The following DCC variants were observed in gnomAD, a reference collection of about 807,000 sequenced individuals.
The protein encoded by DCC is netrin receptor DCC.
DCC carries 58 observed loss-of-function variants against 172.5 expected under a neutral mutation model. That is an observed-to-expected ratio of 0.34 (90% CI 0.27 to 0.42). DCC has a LOEUF of 0.42. DCC is among the 10% of genes least tolerant of loss of function. The pLI is 1.00. For missense variants in DCC, 1,740 were observed against 1,791.0 expected (o/e 0.97, Z 0.51); for synonymous variants, 709 against 644.5 (o/e 1.10, Z -1.52).
intron 1 of DCC, among the ~76,000 whole-genome samples, chr18:52,712,661 T>C (rs1373476042): frequency 2.0e-5 from 3 of 152,194 alleles, no homozygotes; most frequent in Admixed American, 6.5e-5. Flanking sequence ...TCAAGTCACA[T>C]TGAGAAGCTT....
intron 8 of DCC, among the ~76,000 whole-genome samples, chr18:53,175,363 G>A (rs4362452): frequency 0.067 from 10,242 of 151,856 alleles, 529 homozygotes; most frequent in African/African-American, 0.15. Flanking sequence ...AAGGTATTCA[G>A]TTAGGAAAAG....
chr18:53,022,612 T>G (rs1286904697), intron 5 of DCC, among the ~76,000 whole-genome samples: 2 of 151,734 alleles, frequency 1.3e-5, no homozygotes, highest in African/African-American at 2.4e-5. Flanking sequence ...AACTCTAAAT[T>G]TATTTAAAAA....
At chr18:52,484,245 C>T (rs2030096720) in intron 1 of DCC, among the ~76,000 whole-genome samples, 4 of 152,076 alleles carry the variant, frequency 2.6e-5, no homozygotes, top group Admixed American at 2.6e-4. Context: ...ACTCAGTCTG[C>T]CCATTCTTAG....
intron 1 of DCC, among the ~76,000 whole-genome samples, chr18:52,429,293 A>T (rs73955627): frequency 1.3e-5 from 2 of 152,116 alleles, no homozygotes; most frequent in Middle Eastern, 3.2e-3. Flanking sequence ...TATAAATTGC[A>T]TCGAAGTACA....
chr18:53,188,859 G>C (rs2055325584), intron 9 of DCC, among the ~76,000 whole-genome samples: 1 of 152,040 alleles, frequency 6.6e-6, no homozygotes, highest in Admixed American at 6.6e-5. Context: ...GTCTCTGCCT[G>C]CATCTCCACA....
rs188680165 is a variant in DCC, at chr18:52,881,928, A to G, written c.413-24116A>G. On this transcript the variant is annotated intron_variant, in intron 2 of 28. Coordinates refer to ENST00000442544, the MANE Select transcript of DCC (RefSeq NM_005215.4). Reference sequence around the variant, plus strand: ...TTAAAAATACTGATTCTTCCAATCCATGAACATGAAATATCTTTCTATTTT... The same window carrying G: ...TTAAAAATACTGATTCTTCCAATCCGTGAACATGAAATATCTTTCTATTTT... 2.2e-4 allele frequency among the ~76,000 whole-genome samples: 34 copies of G among 152,266 alleles called. No homozygotes were observed. In the East Asian group the frequency reaches 4.8e-3, roughly 22 times the overall value.
Position 53,193,078 on chromosome 18 carries a change from G to A in DCC, c.1574-12138G>A, listed in dbSNP as rs1598892915. ...TTCAAGCTGTTTTCCTCTCTCTTCT[G>A]GACTATGGAATATTCTACCAATTGA... On this transcript the variant is annotated intron_variant, in intron 9 of 28. Transcript: ENST00000442544. 6.6e-5 allele frequency among the ~76,000 whole-genome samples: 10 copies of A among 152,048 alleles called. 1 individual carries two copies. In the South Asian group the frequency reaches 2.1e-3, roughly 32 times the overall value.
rs555487842 is a variant in DCC, at chr18:53,366,676, A to G, written c.2360-19367A>G. 6.6e-5 allele frequency among the ~76,000 whole-genome samples: 10 copies of G among 152,286 alleles called. 1 individual carries two copies. The South Asian group carries it at 1.9e-3, about 28-fold the overall frequency. On this transcript the variant is annotated intron_variant, in intron 15 of 28. Transcript: ENST00000442544. ...TTCCTCCAAAAGCAATTACTTTAAT[A>G]ATAGACTCGCCTATCTGAGTTTTAA...
intron 5 of DCC, among the ~76,000 whole-genome samples, chr18:52,980,444 A>G (rs1398405288): frequency 6.6e-6 from 1 of 152,050 alleles, no homozygotes; most frequent in East Asian, 1.9e-4. Flanking sequence ...GTCAGGTCTA[A>G]TGATTTTCCC....
intron 12 of DCC, among the ~76,000 whole-genome samples, chr18:53,304,782 T>C (rs1443420515): frequency 1.3e-5 from 2 of 152,208 alleles, no homozygotes; most frequent in Non-Finnish European, 2.9e-5. Flanking sequence ...TTCATTGCCT[T>C]GCTTTTTTAT....
At chr18:52,649,296 C>G (rs1034242696) in intron 1 of DCC, among the ~76,000 whole-genome samples, 6 of 149,842 alleles carry the variant, frequency 4.0e-5, no homozygotes, top group Admixed American at 4.0e-4. Context: ...TGGCGTGAAC[C>G]CGGGAGGCGG....
chr18:53,499,659 T>G, intron 27 of DCC, 149 bp downstream of exon 27: 3 of 757,782 alleles, frequency 4.0e-6, no homozygotes, highest in Non-Finnish European at 6.9e-6. Context: ...TACTGATGCT[T>G]GTAGTGTAAC....
At chr18:53,036,293 T>C (rs2042091186) in intron 5 of DCC, among the ~76,000 whole-genome samples, 2 of 152,096 alleles carry the variant, frequency 1.3e-5, no homozygotes, top group Non-Finnish European at 2.9e-5. Flanking sequence ...CTTCCAAGAT[T>C]GATCTATTAG....
chr18:52,351,303 A>C (rs1310370683), intron 1 of DCC, among the ~76,000 whole-genome samples: 1 of 152,224 alleles, frequency 6.6e-6, no homozygotes, highest in African/African-American at 2.4e-5. Flanking sequence ...CTCTCTCTCC[A>C]GTAGTAGCTA....
At chr18:53,448,885 A>G (rs1053712401) in intron 22 of DCC, among the ~76,000 whole-genome samples, 1 of 152,206 alleles carries the variant, frequency 6.6e-6, no homozygotes, top group Non-Finnish European at 1.5e-5. Flanking sequence ...GGAAGTTCAC[A>G]CCATAAGTCC....
intron 1 of DCC, among the ~76,000 whole-genome samples, chr18:52,656,152 T>C (rs1194433018): frequency 6.6e-6 from 1 of 150,786 alleles, no homozygotes; most frequent in Non-Finnish European, 1.5e-5. Flanking sequence ...ATTGATGCTA[T>C]GGTCTAAATG....
intron 1 of DCC, among the ~76,000 whole-genome samples, chr18:52,747,600 A>T (rs1376915227): frequency 2.6e-5 from 4 of 152,200 alleles, no homozygotes; most frequent in Non-Finnish European, 4.4e-5. Flanking sequence ...TTTGAGCCAC[A>T]GGCTCCGAAG....
chr18:52,580,660 G>T (rs2144776390), intron 1 of DCC, among the ~76,000 whole-genome samples: 1 of 152,312 alleles, frequency 6.6e-6, no homozygotes, highest in African/African-American at 2.4e-5. Flanking sequence ...ATGGATGCCT[G>T]GAAGACCTGG....
chr18:52,510,019 G>A (rs933631021), intron 1 of DCC, among the ~76,000 whole-genome samples: 3 of 151,784 alleles, frequency 2.0e-5, no homozygotes, highest in South Asian at 4.2e-4. Context: ...CAGAAGAATC[G>A]CTTGAACCCA....
Sources: gnomAD v4.1 joint callset for allele counts (sites outside exome capture counted in the v4.1 genomes callset) on GRCh38, gnomAD v4.1.1 for gene constraint, MANE v1.5 for transcripts, NCBI Gene and HGNC (gene_info 2026-07-23, HGNC 2026-07-21) for gene names.